The following NMNAT2 variants were observed in gnomAD, a reference collection of about 807,000 sequenced individuals.
NMNAT2 encodes the protein nicotinamide/nicotinic acid mononucleotide adenylyltransferase 2.
NMNAT2 carries 11 observed loss-of-function variants against 41.6 expected under a neutral mutation model. That is an observed-to-expected ratio of 0.26 (90% CI 0.17 to 0.44). The LOEUF (loss-of-function observed/expected upper bound fraction) is 0.44, where lower values mean the gene tolerates loss of function less well. Among genes scored for constraint, NMNAT2 ranks in the 20% least tolerant of loss-of-function variants. The probability of loss-of-function intolerance (pLI) is 1.00; values close to 1 mark genes in which losing one functional copy is unlikely to be tolerated. For synonymous variants in NMNAT2, 148 were observed against 151.2 expected (o/e 0.98, Z 0.16); for missense variants, 288 against 407.7 (o/e 0.71, Z 2.53).
chr1:183,368,258 G>T (rs1571622579), intron 1 of NMNAT2, among the ~76,000 whole-genome samples: 1 of 152,130 alleles, frequency 6.6e-6, no homozygotes. Context: ...CCATTAGCTC[G>T]GAGGGCTTTG....
In NMNAT2 at chr1:183,403,500, C is replaced by G. The variant is rs182237866; in HGVS notation, c.85+14683G>C. On this transcript the variant is annotated intron_variant, in intron 1 of 10. Transcript: ENST00000287713. ...TCAGTAGCCATGGGGAGCCCCCACT[C>G]GGGAGACTGTCCTTACCCACCTCCC... Among the ~76,000 whole-genome samples, 266 of 151,400 alleles carry G rather than the reference C, an allele frequency of 1.8e-3. 2 individuals carry two copies. Among genetic ancestry groups the G allele is most frequent in the African/African-American group, 5.0e-3 (208 of 41,250 alleles).
chr1:183,331,285 G>A (rs1228657866), intron 1 of NMNAT2, among the ~76,000 whole-genome samples: 2 of 152,170 alleles, frequency 1.3e-5, no homozygotes, highest in African/African-American at 4.8e-5. Flanking sequence ...GGTGGGGTCT[G>A]GGGGAGGGTT....
At chr1:183,281,653 G>T (rs1173495189) in intron 7 of NMNAT2, among the ~76,000 whole-genome samples, 1 of 152,220 alleles carries the variant, frequency 6.6e-6, no homozygotes, top group Non-Finnish European at 1.5e-5. Flanking sequence ...TATGGCCACT[G>T]GAGGGCAGCA....
At chr1:183,259,056 C>T (rs1238426007) in intron 10 of NMNAT2, among the ~76,000 whole-genome samples, 1 of 152,182 alleles carries the variant, frequency 6.6e-6, no homozygotes, top group Non-Finnish European at 1.5e-5. Flanking sequence ...GCAAGGTGAA[C>T]CCCTTGGGTG....
chr1:183,391,468 G>A (rs561372925), intron 1 of NMNAT2, among the ~76,000 whole-genome samples: 79 of 151,940 alleles, frequency 5.2e-4, no homozygotes, highest in Non-Finnish European at 9.6e-4. Flanking sequence ...TGCCCCATCC[G>A]TTCTTCCATA....
At chr1:183,263,648 T>A (rs1312251553) in intron 8 of NMNAT2, among the ~76,000 whole-genome samples, 1 of 151,818 alleles carries the variant, frequency 6.6e-6, no homozygotes, top group African/African-American at 2.4e-5. Context: ...CTACTAAAAA[T>A]ACAAAAAAAA....
At chr1:183,339,034 T>C (rs1662737676) in intron 1 of NMNAT2, among the ~76,000 whole-genome samples, 1 of 152,108 alleles carries the variant, frequency 6.6e-6, no homozygotes, top group South Asian at 2.1e-4. Context: ...AAGGGCTCCC[T>C]TAGGGACAAA....
intron 10 of NMNAT2, among the ~76,000 whole-genome samples, chr1:183,255,203 T>C (rs1571552761): frequency 6.6e-6 from 1 of 152,226 alleles, no homozygotes; most frequent in African/African-American, 2.4e-5. Flanking sequence ...TTTTGGTACC[T>C]TTGTCAAAAA....
chr1:183,340,256 G>T, intron 1 of NMNAT2, among the ~76,000 whole-genome samples: 1 of 151,944 alleles, frequency 6.6e-6, no homozygotes, highest in East Asian at 1.9e-4. Context: ...GATACAGCTG[G>T]TTAGTACCCA....
At chr1:183,325,411 C>T (rs1043248058) in intron 1 of NMNAT2, among the ~76,000 whole-genome samples, 2 of 152,200 alleles carry the variant, frequency 1.3e-5, no homozygotes, top group Non-Finnish European at 2.9e-5. Flanking sequence ...TGGAGAAATA[C>T]ATACATTTAT....
intron 1 of NMNAT2, among the ~76,000 whole-genome samples, chr1:183,335,447 C>G (rs535483710): frequency 6.6e-6 from 1 of 152,360 alleles, no homozygotes; most frequent in East Asian, 1.9e-4. Context: ...TGAGTCTCCT[C>G]TGCACCCCTC....
At chr1:183,375,448 C>T (rs931881102) in intron 1 of NMNAT2, among the ~76,000 whole-genome samples, 4 of 152,226 alleles carry the variant, frequency 2.6e-5, no homozygotes, top group Non-Finnish European at 5.9e-5. Context: ...TTTCCCTCCC[C>T]TATGCCTTTG....
chr1:183,372,428 T>G (rs1375394887), intron 1 of NMNAT2, among the ~76,000 whole-genome samples: 2 of 150,256 alleles, frequency 1.3e-5, no homozygotes, highest in Non-Finnish European at 3.0e-5. Flanking sequence ...AGCAAGGGAG[T>G]GGAAGCAAGA....
At chr1:183,342,192 C>T (rs1348154161) in intron 1 of NMNAT2, among the ~76,000 whole-genome samples, 2 of 151,896 alleles carry the variant, frequency 1.3e-5, no homozygotes, top group East Asian at 3.9e-4. Flanking sequence ...CTTTAGATCT[C>T]CTAAAGAGAA....
chr1:183,400,972 C>A (rs1471319810), intron 1 of NMNAT2, among the ~76,000 whole-genome samples: 1 of 152,140 alleles, frequency 6.6e-6, no homozygotes, highest in African/African-American at 2.4e-5. Flanking sequence ...TAGAAGAAAA[C>A]CTAGGCAATA....
intron 1 of NMNAT2, among the ~76,000 whole-genome samples, chr1:183,386,289 TC>T (rs944525119): frequency 5.3e-5 from 8 of 151,730 alleles, no homozygotes; most frequent in African/African-American, 1.9e-4. Flanking sequence ...AGGTAAGGTG[TC>T]CCCCACCAAA....
intron 1 of NMNAT2, among the ~76,000 whole-genome samples, chr1:183,300,529 T>C (rs1661823551): frequency 6.6e-6 from 1 of 151,978 alleles, no homozygotes; most frequent in South Asian, 2.1e-4. Context: ...CTGTGAGCAA[T>C]AAATTTATGT....
At chr1:183,299,874 A>G (rs1292092315) in intron 1 of NMNAT2, among the ~76,000 whole-genome samples, 1 of 152,182 alleles carries the variant, frequency 6.6e-6, no homozygotes, top group Non-Finnish European at 1.5e-5. Context: ...ACCAATGTCA[A>G]TGTTCTCATT....
chr1:183,395,545 A>G (rs1395947128), intron 1 of NMNAT2, among the ~76,000 whole-genome samples: 1 of 152,070 alleles, frequency 6.6e-6, no homozygotes, highest in East Asian at 1.9e-4. Flanking sequence ...ACACTATAAC[A>G]TCTGCCATCT....
Sources: gnomAD v4.1 joint callset for allele counts (sites outside exome capture counted in the v4.1 genomes callset) on GRCh38, gnomAD v4.1.1 for gene constraint, MANE v1.5 for transcripts, NCBI Gene and HGNC (gene_info 2026-07-23, HGNC 2026-07-21) for gene names.